NCKAP1: variants seen among roughly 807,000 people sequenced by gnomAD.
NCKAP1 encodes NCK associated protein 1.
NCKAP1 carries 21 observed loss-of-function variants against 151.2 expected under a neutral mutation model. The observed-to-expected ratio is 0.14, with a 90% CI of 0.10 to 0.20. NCKAP1 has a LOEUF of 0.20. Ranked by LOEUF, NCKAP1 falls within the 10% of genes least tolerant of loss-of-function variation. The pLI, the probability that NCKAP1 is intolerant of heterozygous loss-of-function variation, is 1.00. For missense variants in NCKAP1, 933 were observed against 1,352.1 expected (o/e 0.69, Z 4.86); for synonymous variants, 484 against 451.8 (o/e 1.07, Z -0.90).
At position 182,965,451 on chromosome 2, in the gene NCKAP1, G is replaced by A. The variant is rs570824550; in HGVS notation, c.1629-643C>T. ...GCAATCCTCCATCTCGGCCTCCCAT[G>A]GTGCTGAAATTGCGGGTGTGAGCCA... On this transcript the variant is annotated intron_variant, in intron 16 of 30. Transcript: ENST00000361354. Among the ~76,000 whole-genome samples the A allele has an allele frequency of 2.0e-5, 3 of 152,020 alleles. No homozygotes were observed. The East Asian group carries it at 5.8e-4, about 29-fold the overall frequency.
chr2:182,978,447 A>G (rs911505559), intron 14 of NCKAP1, among the ~76,000 whole-genome samples: 2 of 152,174 alleles, frequency 1.3e-5, no homozygotes, highest in African/African-American at 2.4e-5. Flanking sequence ...GTCAAAAGTA[A>G]TAACAGTGTT....
intron 2 of NCKAP1, among the ~76,000 whole-genome samples, chr2:183,016,030 A>G (rs1000853110): frequency 1.3e-5 from 2 of 152,134 alleles, no homozygotes; most frequent in Admixed American, 1.3e-4. Flanking sequence ...TAGGAGAGAC[A>G]CTGTCTAAAG....
At position 182,976,806 on chromosome 2, in the gene NCKAP1, A is replaced by G. The variant is rs1218837753; in HGVS notation, c.1482+87T>C. The stretch of plus-strand genomic sequence containing the variant: ...CAAAAGAAATATTTTCAATAGGTAT[A>G]TAACAATGAATATTTTATAGTTGTT... On this transcript the variant is annotated intron_variant, in intron 15 of 30. Coordinates refer to ENST00000361354, the MANE Select transcript of NCKAP1 (RefSeq NM_013436.5). 8.0e-6 allele frequency: 6 copies of G among 753,966 alleles called. No individual in the cohort carries two copies. The South Asian group carries it at 8.9e-5, about 11-fold the overall frequency. 46.7% of individuals were successfully genotyped at this position (753,966 alleles called of 1,614,324 possible). A position where few individuals can be genotyped will look rare whatever the true frequency, so the allele number is the denominator to read the frequency against.
intron 26 of NCKAP1, among the ~76,000 whole-genome samples, chr2:182,931,015 T>A (rs1696752363): frequency 6.6e-6 from 1 of 152,132 alleles, no homozygotes. Flanking sequence ...ACAAAACTTG[T>A]ATACTTTCTG....
At chr2:182,967,813 A>C (rs566599473) in intron 15 of NCKAP1, among the ~76,000 whole-genome samples, 5 of 152,338 alleles carry the variant, frequency 3.3e-5, no homozygotes, top group African/African-American at 1.2e-4. Flanking sequence ...ACACTGTATT[A>C]ATTTGACAAA....
chr2:182,992,359 T>C (rs995514440), intron 8 of NCKAP1, among the ~76,000 whole-genome samples: 13 of 152,220 alleles, frequency 8.5e-5, no homozygotes, highest in Non-Finnish European at 1.6e-4. Flanking sequence ...GCCTTCTCCA[T>C]GCCCATATAT....
rs1553507019 is a variant in NCKAP1, at chr2:182,910,958, C to CA, written c.*14743dup. 3 of 148,006 alleles carry CA rather than the reference C, an allele frequency of 2.0e-5. No individual in the cohort carries two copies. Among genetic ancestry groups the CA allele is most frequent in the African/African-American group, 7.4e-5 (3 of 40,496 alleles). 9.2% of individuals were successfully genotyped at this position (148,006 alleles called of 1,614,324 possible). A position where few individuals can be genotyped will look rare whatever the true frequency, so the allele number is the denominator to read the frequency against. Reference sequence around the variant, plus strand: ...AAAATAAAATCCTAAGCTCCCCCCCCACATTTGACTAAACAGACCCTCTCC... The same window carrying CA: ...AAAATAAAATCCTAAGCTCCCCCCCCAACATTTGACTAAACAGACCCTCTCC... On this transcript the variant is annotated 3_prime_UTR_variant, in exon 31 of 31. Coordinates refer to ENST00000361354, the MANE Select transcript of NCKAP1 (RefSeq NM_013436.5).
At chr2:182,996,278 T>C (rs1288154630) in intron 6 of NCKAP1, among the ~76,000 whole-genome samples, 1 of 152,218 alleles carries the variant, frequency 6.6e-6, no homozygotes, top group Admixed American at 6.5e-5. Context: ...CTAAAGAATG[T>C]CTTATAAAAA....
rs1285565940 is a variant in NCKAP1, at chr2:182,962,222, C to T, written c.1818G>A (p.Met606Ile). 4.3e-6 allele frequency: 7 copies of T among 1,612,286 alleles called. No individual in the cohort carries two copies. The highest frequency in any genetic ancestry group is 5.9e-6 in the Non-Finnish European group (7 of 1,178,712). The change falls in exon 18 of 31, where the codon ATG becomes ATA. Residue 606 changes from methionine to isoleucine, a missense_variant. Around this residue, in one of 2 missense-constraint regions of NCKAP1, gnomAD observed 607 missense variants for 795.0 expected, o/e 0.76. Coordinates refer to ENST00000361354, the MANE Select transcript of NCKAP1 (RefSeq NM_013436.5). Reference protein sequence around the residue: ...LSLCNMFLDEMAKQARNLITD... With the variant: ...LSLCNMFLDEIAKQARNLITD... ...TGATGAGATTTCGAGCTTGTTTGGC[C>T]ATTTCATCTAGGAACATATTACATA...
rs1228651277 is a variant in NCKAP1, at chr2:182,912,414, CTATG to C, written c.*13284_*13287del. ...ATCAAAGAGTTTTCACATGAGCTCT[CTATG>C]TGGCAATGAGATACAAGTGCCATCT... On this transcript the variant is annotated 3_prime_UTR_variant, in exon 31 of 31. Coordinates refer to ENST00000361354, the MANE Select transcript of NCKAP1 (RefSeq NM_013436.5). The C allele has an allele frequency of 6.6e-6, 1 of 152,136 alleles. No homozygotes were observed. Among genetic ancestry groups the C allele is most frequent in the Non-Finnish European group, 1.5e-5 (1 of 68,008 alleles). 9.4% of individuals were successfully genotyped at this position (152,136 alleles called of 1,614,324 possible).
At chr2:183,031,591 A>T (rs1699005214) in intron 1 of NCKAP1, among the ~76,000 whole-genome samples, 1 of 152,094 alleles carries the variant, frequency 6.6e-6, no homozygotes, top group African/African-American at 2.4e-5. Context: ...GGGAATGAAC[A>T]TTTATTAAGT....
At chr2:182,971,564 A>T (rs1484686085) in intron 15 of NCKAP1, among the ~76,000 whole-genome samples, 1 of 152,084 alleles carries the variant, frequency 6.6e-6, no homozygotes, top group Non-Finnish European at 1.5e-5. Context: ...ATATGGAACA[A>T]ACAACAACAA....
chr2:182,988,602 A>T (rs1038839823), intron 9 of NCKAP1, among the ~76,000 whole-genome samples: 2 of 152,226 alleles, frequency 1.3e-5, no homozygotes, highest in Non-Finnish European at 2.9e-5. Context: ...ACATGCAGTG[A>T]TATGAATTCT....
In NCKAP1 at chr2:182,952,839, T is replaced by C; in HGVS notation, c.2457A>G (p.Thr819=). 6.2e-7 allele frequency: 1 copy of C among 1,611,898 alleles called. No homozygotes were observed. Among genetic ancestry groups the C allele is most frequent in the Non-Finnish European group, 8.5e-7 (1 of 1,178,480 alleles). The change falls in exon 22 of 31, where the codon ACA becomes ACG. Residue 819 remains threonine (T), a synonymous_variant. Coordinates refer to ENST00000361354, the MANE Select transcript of NCKAP1 (RefSeq NM_013436.5). ...CTGCATTGAATGTTAATTCATTTTC[T>C]GTAGGTAAGTTCACAAACGCTTTCA... ...PAMKAFVNLP[T]ENELTFNAEE...
intron 2 of NCKAP1, among the ~76,000 whole-genome samples, chr2:183,004,371 T>A (rs557961926): frequency 1.7e-4 from 26 of 151,086 alleles, no homozygotes; most frequent in African/African-American, 6.3e-4. Flanking sequence ...GGAAGATGCA[T>A]CCATACATAA....
At chr2:182,946,703 C>G (rs1166070341) in intron 23 of NCKAP1, among the ~76,000 whole-genome samples, 1 of 126,144 alleles carries the variant, frequency 7.9e-6, no homozygotes, top group Admixed American at 9.2e-5. Context: ...GAAATCCACT[C>G]AAGTCAGAGG....
At chr2:182,983,424 A>C (rs1473153836) in intron 10 of NCKAP1, 42 bp from the exon 11 acceptor site, 1 of 1,413,296 alleles carries the variant, frequency 7.1e-7, no homozygotes, top group Admixed American at 1.8e-5. Flanking sequence ...GCTTCTACTA[A>C]AATTATTATT....
chr2:182,952,470 A>G lies in NCKAP1; in HGVS notation c.2536T>C (p.Tyr846His). 6.2e-7 allele frequency: 1 copy of G among 1,610,216 alleles called. No individual in the cohort carries two copies. Among genetic ancestry groups the G allele is most frequent in the African/African-American group, 1.3e-5 (1 of 74,932 alleles). Residue 846 changes from tyrosine to histidine, a missense_variant, in exon 23 of 31, where the codon TAT (tyrosine) becomes CAT (histidine). Tyr to His is a moderately conservative substitution (Grantham distance 83). Around this residue, in one of 2 missense-constraint regions of NCKAP1, gnomAD observed 326 missense variants for 557.1 expected, o/e 0.59. Coordinates refer to ENST00000361354, the MANE Select transcript of NCKAP1 (RefSeq NM_013436.5). Reference sequence around the variant, plus strand: ...CTTTCACTTAGAAACTTCATACCATATGGGCCTAGTAGTTCTGATAATGAC... The same window carrying G: ...CTTTCACTTAGAAACTTCATACCATGTGGGCCTAGTAGTTCTGATAATGAC... ...MRSLSELLGP[Y>H]GMKFLSESLM...
At chr2:183,018,384 G>C (rs1698735073) in intron 2 of NCKAP1, among the ~76,000 whole-genome samples, 1 of 152,168 alleles carries the variant, frequency 6.6e-6, no homozygotes, top group Non-Finnish European at 1.5e-5. Flanking sequence ...TAACCAGTAT[G>C]TTACTATCTT....
Sources: gnomAD v4.1 joint callset for allele counts (sites outside exome capture counted in the v4.1 genomes callset) on GRCh38, gnomAD v4.1.1 for gene constraint, gnomAD v4.1.1 regional missense constraint, MANE v1.5 for transcripts, NCBI Gene and HGNC (gene_info 2026-07-23, HGNC 2026-07-21) for gene names.